Variants in ZNF704 observed in about 807,000 individuals in gnomAD.
ZNF704 encodes the protein zinc finger protein 704, also known as glucocorticoid induced gene 1.
In ZNF704, 10 loss-of-function variants were observed where a neutral mutation model predicts 44.7. That is an observed-to-expected ratio of 0.22 (90% confidence interval 0.14 to 0.38). ZNF704 has a LOEUF of 0.38. Ranked by LOEUF, ZNF704 falls within the 10% of genes least tolerant of loss-of-function variation. The pLI, the probability that ZNF704 is intolerant of heterozygous loss-of-function variation, is 1.00. For missense variants in ZNF704, 390 were observed against 545.5 expected, an observed-to-expected ratio of 0.71 and a Z score of 2.84; for synonymous variants, 211 against 207.6, an observed-to-expected ratio of 1.02 and a Z score of -0.14.
At chr8:80,655,476 G>C (rs1266941874) in intron 7 of ZNF704, among the ~76,000 whole-genome samples, 3 of 152,158 alleles carry the variant, frequency 2.0e-5, no homozygotes, top group Non-Finnish European at 4.4e-5. Flanking sequence ...CCTAAATAGG[G>C]AGGAGCCGCT....
At chr8:80,792,790 A>G (rs1278865647) in intron 2 of ZNF704, among the ~76,000 whole-genome samples, 1 of 152,196 alleles carries the variant, frequency 6.6e-6, no homozygotes, top group East Asian at 1.9e-4. Flanking sequence ...TCTTCCGGAA[A>G]TGAATTCTGC....
chr8:80,761,466 C>T (rs1246193188), intron 2 of ZNF704, among the ~76,000 whole-genome samples: 2 of 152,100 alleles, frequency 1.3e-5, no homozygotes, highest in East Asian at 3.8e-4. Context: ...CAATCCTAAA[C>T]ACTATAATCC....
At chr8:80,832,699 T>C (rs1034628237) in intron 1 of ZNF704, among the ~76,000 whole-genome samples, 6 of 150,534 alleles carry the variant, frequency 4.0e-5, no homozygotes, top group Middle Eastern at 3.2e-3. Context: ...AAAAAAGGCA[T>C]GAAATTTAGG....
intron 2 of ZNF704, among the ~76,000 whole-genome samples, chr8:80,739,657 A>G (rs1275146356): frequency 6.6e-6 from 1 of 152,156 alleles, no homozygotes; most frequent in Non-Finnish European, 1.5e-5. Flanking sequence ...CCAGCTCCAC[A>G]TCCCTACTTA....
At chr8:80,643,278 G>A (rs888413454) in intron 7 of ZNF704, 149 bp from the exon 8 acceptor site, 2 of 462,038 alleles carry the variant, frequency 4.3e-6, no homozygotes, top group Non-Finnish European at 7.4e-6. Context: ...TCAGAACTTT[G>A]GGAGGCCAAG....
Position 80,679,758 on chromosome 8 carries a change from T to C in ZNF704, c.558+7468A>G, listed in dbSNP as rs1324374764. On this transcript the variant is annotated intron_variant, in intron 4 of 8. Coordinates refer to ENST00000327835, the MANE Select transcript of ZNF704 (RefSeq NM_001033723.3). ...GCTAGCAGCTTCCACGTGTACTTTA[T>C]TTAACACCCGCAACAGGCCCAGGAG... 5.3e-5 allele frequency among the ~76,000 whole-genome samples: 8 copies of C among 152,226 alleles called. No homozygotes were observed. In the East Asian group the frequency reaches 1.5e-3, roughly 29 times the overall value.
chr8:80,759,284 CTTT>C (rs200175944), intron 2 of ZNF704, among the ~76,000 whole-genome samples: 1 of 139,488 alleles, frequency 7.2e-6, no homozygotes, highest in Non-Finnish European at 1.6e-5. Flanking sequence ...TTTCCAGGGC[CTTT>C]TTTTTTTTTT....
intron 2 of ZNF704, among the ~76,000 whole-genome samples, chr8:80,793,209 T>C (rs1226843894): frequency 6.6e-6 from 1 of 152,188 alleles, no homozygotes; most frequent in Non-Finnish European, 1.5e-5. Flanking sequence ...TCAAAGATGA[T>C]GTCCAGCTTC....
At chr8:80,721,585 A>G (rs577844475) in intron 2 of ZNF704, among the ~76,000 whole-genome samples, 31 of 152,338 alleles carry the variant, frequency 2.0e-4, no homozygotes, top group African/African-American at 7.2e-4. Flanking sequence ...AAAATTTTCA[A>G]TTGGTTGAAA....
chr8:80,823,270 T>A (rs1808310265), intron 1 of ZNF704, among the ~76,000 whole-genome samples: 1 of 152,200 alleles, frequency 6.6e-6, no homozygotes. Flanking sequence ...ACCAGGAGAC[T>A]ATATCCCGTG....
At chr8:80,863,453 C>T (rs567119316) in intron 1 of ZNF704, among the ~76,000 whole-genome samples, 35 of 152,242 alleles carry the variant, frequency 2.3e-4, no homozygotes, top group Non-Finnish European at 4.6e-4. Flanking sequence ...ATTTAAAAAA[C>T]TCTGCCGGTC....
At position 80,720,319 on chromosome 8, in the gene ZNF704, C is replaced by T. The variant is rs73254809; in HGVS notation, c.222-27212G>A. On this transcript the variant is annotated intron_variant, in intron 2 of 8. Transcript: ENST00000327835. ...TTCTGCTTTCTTTTTCTTTTCCTAC[C>T]TGTTCTCAAAGTTTCACAGCCAAGG... Among the ~76,000 whole-genome samples the T allele has an allele frequency of 7.1e-3, 1,076 of 152,316 alleles. 12 individuals are homozygous for T. The highest frequency in any genetic ancestry group is 0.024 in the African/African-American group (999 of 41,564).
intron 1 of ZNF704, among the ~76,000 whole-genome samples, chr8:80,866,726 G>A (rs1478526392): frequency 1.3e-5 from 2 of 152,068 alleles, no homozygotes; most frequent in African/African-American, 4.8e-5. Flanking sequence ...GGGGTTGGGG[G>A]GGGGATACAT....
intron 1 of ZNF704, among the ~76,000 whole-genome samples, chr8:80,855,549 A>G (rs543726615): frequency 2.6e-5 from 4 of 152,344 alleles, no homozygotes; most frequent in Admixed American, 6.5e-5. Context: ...GTTCTCACTT[A>G]TAAGTGAGAG....
chr8:80,780,051 T>A (rs868660070), intron 2 of ZNF704, among the ~76,000 whole-genome samples: 6 of 152,132 alleles, frequency 3.9e-5, no homozygotes, highest in South Asian at 2.1e-4. Context: ...TGTTAGGTGA[T>A]ACAGGGGTAG....
chr8:80,816,927 A>G (rs1460467123), intron 2 of ZNF704, among the ~76,000 whole-genome samples: 1 of 152,190 alleles, frequency 6.6e-6, no homozygotes, highest in Non-Finnish European at 1.5e-5. Flanking sequence ...TCCCAGGGGT[A>G]AGCAGACTCT....
chr8:80,873,321 G>A (rs1809289037), intron 1 of ZNF704, among the ~76,000 whole-genome samples: 2 of 152,308 alleles, frequency 1.3e-5, no homozygotes, highest in South Asian at 4.1e-4. Flanking sequence ...AGGAAAGCGG[G>A]AGCCGCCGCC....
intron 2 of ZNF704, among the ~76,000 whole-genome samples, chr8:80,815,604 T>C (rs1177035368): frequency 6.6e-6 from 1 of 152,212 alleles, no homozygotes; most frequent in Non-Finnish European, 1.5e-5. Context: ...GACAATAAGT[T>C]AATGGTCTCC....
intron 2 of ZNF704, among the ~76,000 whole-genome samples, chr8:80,785,066 T>C (rs193024024): frequency 6.6e-6 from 1 of 152,286 alleles, no homozygotes; most frequent in East Asian, 1.9e-4. Context: ...TTAATGTCCT[T>C]TCTCTGTTCC....
Sources: allele counts gnomAD v4.1 joint callset (sites outside exome capture counted in the v4.1 genomes callset), GRCh38; gene constraint gnomAD v4.1.1; transcripts MANE v1.5; gene names NCBI Gene and HGNC (gene_info 2026-07-23, HGNC 2026-07-21).